CYP11B2: variants seen among roughly 807,000 people sequenced by gnomAD.
CYP11B2 encodes the protein cytochrome P450 11B2, mitochondrial.
A neutral mutation model predicts 49.3 loss-of-function variants in CYP11B2; 38 were observed. That is an observed-to-expected ratio of 0.77 (90% CI 0.59 to 1.01). CYP11B2 has a LOEUF of 1.01. Among genes scored for constraint, CYP11B2 ranks in the 50% least tolerant of loss-of-function variants. The pLI, the probability that CYP11B2 is intolerant of heterozygous loss-of-function variation, is 0.00. For missense variants in CYP11B2, 669 were observed against 655.5 expected (o/e 1.02, Z -0.23); for synonymous variants, 290 against 269.3 (o/e 1.08, Z -0.75).
chr8:142,911,908 G>A lies in CYP11B2; in HGVS notation c.*72C>T. ...CTCAGGAAGCTGTGCACGTGGGAGA[G>A]AAGACAGGTGGCCTGGGGTCAGGCA... On this transcript the variant is annotated 3_prime_UTR_variant, in exon 9 of 9. Transcript: ENST00000323110. 3 of 1,608,644 alleles carry A rather than the reference G, an allele frequency of 1.9e-6. No individual in the cohort carries two copies. Among genetic ancestry groups the A allele is most frequent in the Non-Finnish European group, 2.5e-6 (3 of 1,177,202 alleles).
rs753988592 is a variant in CYP11B2 at position 142,917,740 on chromosome 8, G to A, written c.101C>T (p.Thr34Met). Reference sequence around the variant, plus strand: ...GGGCATGGCTTCAAACGGCAGCACCGTCCTAGGGGCCCGAGCGGCTCTAGT... The same window carrying A: ...GGGCATGGCTTCAAACGGCAGCACCATCCTAGGGGCCCGAGCGGCTCTAGT... The part of the protein sequence containing the change: ...LGTRAARAPR[T>M]VLPFEAMPQH... Residue 34 changes from threonine (T) to methionine (M), a missense_variant, in exon 1 of 9, where the codon ACG becomes ATG. Physicochemically the swap from Thr to Met is moderately conservative, Grantham distance 81. Transcript: ENST00000323110. The A allele has an allele frequency of 1.6e-5, 26 of 1,614,094 alleles. No individual in the cohort carries two copies. The highest frequency in any genetic ancestry group is 3.3e-5 in the South Asian group (3 of 91,092).
intron 1 of CYP11B2, 122 bp downstream of exon 1, chr8:142,917,480 T>A: frequency 1.9e-6 from 3 of 1,612,814 alleles, no homozygotes; most frequent in Non-Finnish European, 1.7e-6. Flanking sequence ...TCCTTCCCCA[T>A]CCTCCAAAGG....
At chr8:142,917,484 C>A in intron 1 of CYP11B2, 118 bp downstream of exon 1, 1 of 1,612,964 alleles carries the variant, frequency 6.2e-7, no homozygotes, top group Admixed American at 1.7e-5. Context: ...TCCCCATCCT[C>A]CAAAGGATGC....
rs372167175 is a variant in CYP11B2, at chr8:142,917,753, G to A, written c.88C>T (p.Arg30Trp). The A allele has an allele frequency of 3.0e-5, 48 of 1,614,206 alleles. No individual in the cohort carries two copies. The highest frequency in any genetic ancestry group is 8.3e-5 in the Admixed American group (5 of 60,032). The change falls in exon 1 of 9, where the codon CGG becomes TGG. Residue 30 changes from arginine to tryptophan, a missense_variant. Coordinates refer to ENST00000323110, the MANE Select transcript of CYP11B2 (RefSeq NM_000498.3). ...RARALGTRAA[R>W]APRTVLPFEA... ...AACGGCAGCACCGTCCTAGGGGCCC[G>A]AGCGGCTCTAGTGCCCAGTGCCCGT...
chr8:142,911,870 G>C lies in CYP11B2; in HGVS notation c.*110C>G. 1 of 1,538,014 alleles carries C rather than the reference G, an allele frequency of 6.5e-7. No homozygotes were observed. Among genetic ancestry groups the C allele is most frequent in the Non-Finnish European group, 8.8e-7 (1 of 1,130,150 alleles). On this transcript the variant is annotated 3_prime_UTR_variant, in exon 9 of 9. Coordinates refer to ENST00000323110, the MANE Select transcript of CYP11B2 (RefSeq NM_000498.3). Reference sequence around the variant, plus strand: ...GTTCCATTTGTGCAGGAGCTGGCTGGACAGAGGGGTGACTCAGGAAGCTGT... The same window carrying C: ...GTTCCATTTGTGCAGGAGCTGGCTGCACAGAGGGGTGACTCAGGAAGCTGT...
At chr8:142,912,327 C>T (rs545379714) in intron 8 of CYP11B2, among the ~76,000 whole-genome samples, 1 of 152,074 alleles carries the variant, frequency 6.6e-6, no homozygotes, top group East Asian at 1.9e-4. Flanking sequence ...TCCCCTAGTC[C>T]CCATTTCAAT....
chr8:142,911,979 A>G lies in CYP11B2; in HGVS notation c.*1T>C. On this transcript the variant is annotated 3_prime_UTR_variant, in exon 9 of 9. Transcript: ENST00000323110. Reference sequence around the variant, plus strand: ...CTGGGACCCTGGGTGCAGATGCAAGACTAGTTAATCGCTCTGAAAGTGAGG... The same window carrying G: ...CTGGGACCCTGGGTGCAGATGCAAGGCTAGTTAATCGCTCTGAAAGTGAGG... The G allele has an allele frequency of 6.2e-7, 1 of 1,613,954 alleles. No individual in the cohort carries two copies. The highest frequency in any genetic ancestry group is 8.5e-7 in the Non-Finnish European group (1 of 1,179,914).
chr8:142,914,829 A>T lies in CYP11B2; in HGVS notation c.675T>A (p.His225Gln), dbSNP rs377428697. 2.5e-6 allele frequency: 4 copies of T among 1,613,766 alleles called. No homozygotes were observed. Among genetic ancestry groups the T allele is most frequent in the Admixed American group, 1.7e-5 (1 of 60,014 alleles). The change falls in exon 4 of 9, where the codon CAT (histidine) becomes CAA (glutamine). Residue 225 changes from histidine (H) to glutamine (Q), a missense_variant. Transcript: ENST00000323110. ...SPSSASLNFL[H>Q]ALEVMFKSTV... ...TGGATTTGAACATGACCTCCAGGGC[A>T]TGGAGGAAGTTCAGGCTGGCAGAAC...
chr8:142,915,051 A>G lies in CYP11B2; in HGVS notation c.590T>C (p.Ile197Thr), dbSNP rs775492721. Residue 197 changes from isoleucine to threonine, a missense_variant, in exon 3 of 9, where the codon ATA (isoleucine) becomes ACA (threonine). Transcript: ENST00000323110. ...CCTTCCCGCATGGCCCACACCTTCT[A>G]TGGTGTAGTGGAAGATGCTGGGCTG... Reference protein sequence around the residue: ...DVQPSIFHYTIEASNLALFGE... With the variant: ...DVQPSIFHYTTEASNLALFGE... 8.7e-6 allele frequency: 14 copies of G among 1,613,716 alleles called. 1 individual carries two copies. The highest frequency in any genetic ancestry group is 5.0e-5 in the Admixed American group (3 of 59,998).
In CYP11B2 at chr8:142,916,649, G is replaced by T. The variant is rs1817650668; in HGVS notation, c.395+410C>A. Reference sequence around the variant, plus strand: ...CCTGAGCGCCCTGAGGGAGGCTGTGGCCCCGGCGAACACCAGGCTCAGCAC... The same window carrying T: ...CCTGAGCGCCCTGAGGGAGGCTGTGTCCCCGGCGAACACCAGGCTCAGCAC... On this transcript the variant is annotated intron_variant, in intron 2 of 8. Transcript: ENST00000323110. 3.7e-5 allele frequency: 14 copies of T among 378,216 alleles called. No individual in the cohort carries two copies. The Middle Eastern group carries it at 2.6e-3, about 71-fold the overall frequency. 23.4% of individuals were successfully genotyped at this position (378,216 alleles called of 1,614,324 possible).
intron 5 of CYP11B2, chr8:142,914,010 A>G (rs1024713513): frequency 8.1e-6 from 5 of 618,552 alleles, no homozygotes; most frequent in African/African-American, 5.4e-5. Context: ...GCCTCATCCA[A>G]CTTTCTTCCA....
Position 142,914,658 on chromosome 8 carries a change from C to T in CYP11B2, c.799+47G>A, listed in dbSNP as rs1563880786. ...GTGGTGGAGAAGGAGAAATTGGGCCCCCATGGTGTCCCTTCCCCATAGCAC... is the reference window on the plus strand; with the variant it reads ...GTGGTGGAGAAGGAGAAATTGGGCCTCCATGGTGTCCCTTCCCCATAGCAC... On this transcript the variant is annotated intron_variant, in intron 4 of 8. Coordinates refer to ENST00000323110, the MANE Select transcript of CYP11B2 (RefSeq NM_000498.3). 3 of 1,535,282 alleles carry T rather than the reference C, an allele frequency of 2.0e-6. 1 individual carries two copies. The highest frequency in any genetic ancestry group is 2.4e-5 in the South Asian group (2 of 83,914).
chr8:142,912,684 G>T lies in CYP11B2; in HGVS notation c.1244C>A (p.Ala415Asp). Residue 415 changes from alanine (A) to aspartate (D), a missense_variant, in exon 8 of 9, where the codon GCC (alanine) becomes GAC (aspartate). Physicochemically the swap from Ala to Asp is moderately radical, Grantham distance 126. Coordinates refer to ENST00000323110, the MANE Select transcript of CYP11B2 (RefSeq NM_000498.3). Reference protein sequence around the residue: ...VFLYSLGRNAALFPRPERYNP... With the variant: ...VFLYSLGRNADLFPRPERYNP... ...ATACCGCTCAGGCCTCGGGAACAAGGCGGCATTGCGACCCAGCGAGTAGAG... is the reference window on the plus strand; with the variant it reads ...ATACCGCTCAGGCCTCGGGAACAAGTCGGCATTGCGACCCAGCGAGTAGAG... The T allele has an allele frequency of 3.1e-6, 5 of 1,614,158 alleles. No homozygotes were observed. Among genetic ancestry groups the T allele is most frequent in the Non-Finnish European group, 4.2e-6 (5 of 1,180,018 alleles).
At chr8:142,916,013 C>G (rs1204902273) in intron 2 of CYP11B2, among the ~76,000 whole-genome samples, 1 of 152,182 alleles carries the variant, frequency 6.6e-6, no homozygotes, top group Non-Finnish European at 1.5e-5. Flanking sequence ...TGCACAAACA[C>G]TACACCCATG....
intron 2 of CYP11B2, among the ~76,000 whole-genome samples, chr8:142,916,254 A>G (rs914595124): frequency 5.9e-5 from 9 of 152,190 alleles, no homozygotes; most frequent in South Asian, 2.1e-4. Context: ...CCCAGATGTC[A>G]TCTATAGGCC....
At chr8:142,912,427 TC>T (rs1817551787) in intron 8 of CYP11B2, 102 bp downstream of exon 8, 1 of 1,288,886 alleles carries the variant, frequency 7.8e-7, no homozygotes, top group South Asian at 1.2e-5. Context: ...CAAGGCCCCA[TC>T]CACTGTTCCC....
At position 142,913,440 on chromosome 8, in the gene CYP11B2, G is replaced by A. The variant is rs769609817; in HGVS notation, c.966C>T (p.Pro322=). The change falls in exon 6 of 9, where the codon CCC becomes CCT. Residue 322 remains proline, a synonymous_variant. Coordinates refer to ENST00000323110, the MANE Select transcript of CYP11B2 (RefSeq NM_000498.3). ...CCAGCTCAAAGAGCGTCATCAGCAA[G>A]GGAAACGCTGTCTACAGAAGCCATG... The part of the protein sequence containing the change: ...TAGSVDTTAF[P]LLMTLFELAR... 1.2e-6 allele frequency: 2 copies of A among 1,613,948 alleles called. No homozygotes were observed. Among genetic ancestry groups the A allele is most frequent in the East Asian group, 2.2e-5 (1 of 44,884 alleles).
chr8:142,916,982 C>A, intron 2 of CYP11B2, 77 bp downstream of exon 2: 1 of 1,574,378 alleles, frequency 6.4e-7, no homozygotes, highest in South Asian at 1.2e-5. Flanking sequence ...GCTTTTGGGT[C>A]CTACCTCTCT....
rs201830462 is a variant in CYP11B2, at chr8:142,913,447, G to A, written c.959C>T (p.Ala320Val). 2.1e-4 allele frequency: 335 copies of A among 1,614,008 alleles called. 2 individuals are homozygous for A. The highest frequency in any genetic ancestry group is 1.5e-3 in the Admixed American group (92 of 60,030). Residue 320 changes from alanine (A) to valine (V), a missense_variant, in exon 6 of 9, where the codon GCG becomes GTG. Transcript: ENST00000323110. The stretch of plus-strand genomic sequence containing the variant: ...AAAGAGCGTCATCAGCAAGGGAAAC[G>A]CTGTCTACAGAAGCCATGTCTGCAG... ...ELTAGSVDTT[A>V]FPLLMTLFEL... is the part of the protein sequence containing the mutation.
Sources: gnomAD v4.1 joint callset for allele counts (sites outside exome capture counted in the v4.1 genomes callset) on GRCh38, gnomAD v4.1.1 for gene constraint, MANE v1.5 for transcripts, NCBI Gene and HGNC (gene_info 2026-07-23, HGNC 2026-07-21) for gene names.